STARD13: variants seen among roughly 807,000 people sequenced by gnomAD.
STARD13 encodes stAR-related lipid transfer protein 13.
A neutral mutation model predicts 106.4 loss-of-function variants in STARD13; 62 were observed. The observed-to-expected ratio is 0.58, with a 90% CI of 0.48 to 0.72. STARD13 has a LOEUF of 0.72. Among genes scored for constraint, STARD13 ranks in the 30% least tolerant of loss-of-function variants. The pLI, the probability that STARD13 is intolerant of heterozygous loss-of-function variation, is 0.00. For missense variants in STARD13, 1,387 were observed against 1,424.0 expected (o/e 0.97, Z 0.42); for synonymous variants, 565 against 553.0 (o/e 1.02, Z -0.31).
At chr13:33,244,092 T>G (rs1358016890) in intron 1 of STARD13, among the ~76,000 whole-genome samples, 1 of 151,228 alleles carries the variant, frequency 6.6e-6, no homozygotes, top group Non-Finnish European at 1.5e-5. Flanking sequence ...AACATGATGC[T>G]CAAAGGAAAT....
intron 1 of STARD13, among the ~76,000 whole-genome samples, chr13:33,193,902 T>A (rs1415408791): frequency 1.3e-5 from 2 of 152,198 alleles, no homozygotes; most frequent in Non-Finnish European, 2.9e-5. Context: ...ATCAAGGTAG[T>A]CAGGATTTCA....
chr13:33,362,861 TC>T, the STARD13 span, among the ~76,000 whole-genome samples: 1 of 152,230 alleles, frequency 6.6e-6, no homozygotes, highest in Non-Finnish European at 1.5e-5. Context: ...TGTCTTTCTT[TC>T]CCGAAACTGA....
intron 1 of STARD13, among the ~76,000 whole-genome samples, chr13:33,332,504 G>T (rs1467651327): frequency 2.6e-5 from 4 of 152,118 alleles, no homozygotes. Flanking sequence ...CTTTCTGCCA[G>T]GTGGGGATAC....
chr13:33,640,344 T>C, the STARD13 span, among the ~76,000 whole-genome samples: 5 of 152,204 alleles, frequency 3.3e-5, no homozygotes, highest in African/African-American at 1.2e-4. Context: ...AATATTCAAA[T>C]AGCCTGTAAT....
the STARD13 span, among the ~76,000 whole-genome samples, chr13:33,380,414 CAAA>C: frequency 9.5e-5 from 8 of 84,576 alleles, no homozygotes; most frequent in Admixed American, 5.5e-4. Context: ...GATTCTGTCT[CAAA>C]AAAAAAAAAA....
intron 1 of STARD13, among the ~76,000 whole-genome samples, chr13:33,310,636 A>G (rs866552176): frequency 2.0e-5 from 3 of 152,186 alleles, no homozygotes; most frequent in Admixed American, 6.5e-5. Context: ...ATTCACCTTG[A>G]ATAAAATTCA....
chr13:33,674,283 T>C, the STARD13 span, among the ~76,000 whole-genome samples: 15 of 152,240 alleles, frequency 9.9e-5, no homozygotes, highest in Admixed American at 9.8e-4. Context: ...AGTGAAAATT[T>C]CTACAATGAA....
chr13:33,209,461 T>TC (rs1199851756), intron 1 of STARD13, among the ~76,000 whole-genome samples: 1 of 151,138 alleles, frequency 6.6e-6, no homozygotes, highest in East Asian at 1.9e-4. Flanking sequence ...CTCTCTCTCT[T>TC]TTTTTTTTCC....
chr13:33,340,347 C>G (rs967195730), intron 1 of STARD13, among the ~76,000 whole-genome samples: 1 of 152,038 alleles, frequency 6.6e-6, no homozygotes, highest in African/African-American at 2.4e-5. Flanking sequence ...GTAGCTAGGA[C>G]AGGCACGTGA....
intron 1 of STARD13, among the ~76,000 whole-genome samples, chr13:33,217,868 T>G (rs1354006227): frequency 7.2e-5 from 11 of 152,176 alleles, no homozygotes; most frequent in Admixed American, 7.2e-4. Context: ...CAGGAAGCCC[T>G]CAGTCTAGCA....
rs1218440808 is a variant in STARD13 at position 33,167,560 on chromosome 13, A to G, written c.232T>C (p.Leu78=). 1 of 1,614,134 alleles carries G rather than the reference A, an allele frequency of 6.2e-7. No homozygotes were observed. Among genetic ancestry groups the G allele is most frequent in the Non-Finnish European group, 8.5e-7 (1 of 1,179,960 alleles). ...CGAAGGGCTGACGTACCCTCATATAACTGAGCGTATTGCGGGAACCCGGCA... is the reference window on the plus strand; with the variant it reads ...CGAAGGGCTGACGTACCCTCATATAGCTGAGCGTATTGCGGGAACCCGGCA... ...RAAGFPQYAQ[L]YEDSQFPINI... The change falls in exon 2 of 14, where the codon TTA becomes CTA. Residue 78 remains leucine, a synonymous_variant. Coordinates refer to ENST00000336934, the MANE Select transcript of STARD13 (RefSeq NM_178006.4).
At chr13:33,396,672 C>G in the STARD13 span, among the ~76,000 whole-genome samples, 1 of 152,080 alleles carries the variant, frequency 6.6e-6, no homozygotes. Context: ...TTCTGAAAAA[C>G]AAACAAAAGG....
intron 3 of STARD13, chr13:33,164,051 T>G (rs1293507809): frequency 1.3e-5 from 2 of 152,052 alleles, no homozygotes; most frequent in Non-Finnish European, 2.9e-5. Flanking sequence ...TCCATTCACT[T>G]CATAAGCTCT....
At chr13:33,127,344 A>T (rs1877331952) in intron 6 of STARD13, 29 bp downstream of exon 6, 2 of 1,530,494 alleles carry the variant, frequency 1.3e-6, no homozygotes, top group Non-Finnish European at 1.8e-6. Context: ...AGAGCCAAGG[A>T]TCCCCTCCTA....
chr13:33,109,826 G>C, intron 12 of STARD13, 47 bp downstream of exon 12: 1 of 1,585,978 alleles, frequency 6.3e-7, no homozygotes, highest in Non-Finnish European at 8.7e-7. Flanking sequence ...TACAGTTCGC[G>C]TCCTGCCTTT....
intron 1 of STARD13, among the ~76,000 whole-genome samples, chr13:33,170,834 A>G (rs189049781): frequency 6.6e-6 from 1 of 152,228 alleles, no homozygotes; most frequent in Admixed American, 6.5e-5. Context: ...AGCTAGTGAC[A>G]AAACAAGCAA....
chr13:33,621,204 G>A, the STARD13 span, among the ~76,000 whole-genome samples: 1 of 151,540 alleles, frequency 6.6e-6, no homozygotes, highest in South Asian at 2.1e-4. Flanking sequence ...AATAAAATTG[G>A]TAAGCACTTA....
the STARD13 span, among the ~76,000 whole-genome samples, chr13:33,427,784 C>T: frequency 6.6e-6 from 1 of 151,986 alleles, no homozygotes; most frequent in Non-Finnish European, 1.5e-5. Context: ...GGAGAAACCC[C>T]ATCTCTACTA....
chr13:33,538,688 T>A, the STARD13 span, among the ~76,000 whole-genome samples: 4 of 151,362 alleles, frequency 2.6e-5, no homozygotes, highest in East Asian at 7.7e-4. Context: ...TTTCTGGGCA[T>A]ACCAGGAAAC....
Sources: allele counts gnomAD v4.1 joint callset (sites outside exome capture counted in the v4.1 genomes callset), GRCh38; gene constraint gnomAD v4.1.1; transcripts MANE v1.5; gene names NCBI Gene and HGNC (gene_info 2026-07-23, HGNC 2026-07-21).